Variants in CBFA2T3 observed in about 807,000 individuals in gnomAD.
CBFA2T3 encodes the protein transcriptional corepressor CBFA2T3.
In CBFA2T3, 31 loss-of-function variants were observed where a neutral mutation model predicts 58.6. The observed-to-expected ratio is 0.53, with a 90% CI of 0.40 to 0.71. The LOEUF is 0.71. CBFA2T3 is among the 30% of genes least tolerant of loss of function. The probability of loss-of-function intolerance (pLI) is 0.00; values close to 1 mark genes in which losing one functional copy is unlikely to be tolerated. For synonymous variants in CBFA2T3, 531 were observed against 421.9 expected, an observed-to-expected ratio of 1.26 and a Z score of -3.17; for missense variants, 1,076 against 963.1, an observed-to-expected ratio of 1.12 and a Z score of -1.55.
chr16:88,898,323 GT>G (rs1969967073), intron 2 of CBFA2T3, among the ~76,000 whole-genome samples, 171 bp from the exon 3 acceptor site: 1 of 152,076 alleles, frequency 6.6e-6, no homozygotes, highest in Admixed American at 6.5e-5. Flanking sequence ...GCTTCTCAGA[GT>G]GATTTTTGAT....
At chr16:88,946,074 G>A (rs965632987) in intron 1 of CBFA2T3, among the ~76,000 whole-genome samples, 4 of 152,232 alleles carry the variant, frequency 2.6e-5, no homozygotes, top group East Asian at 3.9e-4. Context: ...TTGGGAGGCC[G>A]AAGGGGGCGG....
intron 1 of CBFA2T3, among the ~76,000 whole-genome samples, chr16:88,970,934 G>A (rs149560582): frequency 2.6e-5 from 4 of 152,260 alleles, no homozygotes; most frequent in African/African-American, 7.2e-5. Flanking sequence ...GAAGGAGGTC[G>A]GTCGGGAGGG....
chr16:88,882,639 C>T (rs373804103), intron 8 of CBFA2T3, 37 bp downstream of exon 8: 2 of 1,375,880 alleles, frequency 1.5e-6, no homozygotes, highest in Non-Finnish European at 2.0e-6. Context: ...TGCGCCTGGG[C>T]ATGGCTGTGT....
At chr16:88,959,823 C>T (rs1371386167) in intron 1 of CBFA2T3, among the ~76,000 whole-genome samples, 3 of 152,078 alleles carry the variant, frequency 2.0e-5, no homozygotes, top group Admixed American at 6.6e-5. Flanking sequence ...GTCAGGAGTT[C>T]GAGACCAGCC....
intron 1 of CBFA2T3, among the ~76,000 whole-genome samples, chr16:88,910,533 C>T (rs1488802290): frequency 6.6e-6 from 1 of 152,234 alleles, no homozygotes; most frequent in Non-Finnish European, 1.5e-5. Flanking sequence ...GCCTCAGTGT[C>T]CTCCGGAGCC....
chr16:88,941,502 G>GC (rs1971730490), intron 1 of CBFA2T3, among the ~76,000 whole-genome samples: 1 of 148,354 alleles, frequency 6.7e-6, no homozygotes, highest in South Asian at 2.1e-4. Context: ...GCCGAGAGCC[G>GC]CCCCCAACGC....
rs1195493325 is a variant in CBFA2T3 at position 88,885,583 on chromosome 16, A to G, written c.894-314T>C. Among the ~76,000 whole-genome samples, 1 of 152,050 alleles carries G rather than the reference A, an allele frequency of 6.6e-6. No homozygotes were observed. Among genetic ancestry groups the G allele is most frequent in the Admixed American group, 6.5e-5 (1 of 15,280 alleles). ...ATACACCAGGCTTCCGTAACTGGAGACCACCTGCCCCTTGGGCAGCAGCAG... is the reference window on the plus strand; with the variant it reads ...ATACACCAGGCTTCCGTAACTGGAGGCCACCTGCCCCTTGGGCAGCAGCAG... On this transcript the variant is annotated intron_variant, in intron 6 of 11. Transcript: ENST00000268679. The surrounding 1 kb of genome is among the most constrained non-coding windows in gnomAD (Gnocchi z 5.3).
At chr16:88,976,094 C>T (rs1034044749) in intron 1 of CBFA2T3, among the ~76,000 whole-genome samples, 1 of 152,312 alleles carries the variant, frequency 6.6e-6, no homozygotes, top group African/African-American at 2.4e-5. Context: ...GGACCCCTCC[C>T]CAGAGCCCGA....
Position 88,976,744 on chromosome 16 carries a change from T to G in CBFA2T3, c.64A>C (p.Met22Leu). ...SSASGSTCGS[M>L]SQTHPVLESG... is the part of the protein sequence containing the mutation. ...TCCAGCACAGGGTGCGTCTGGGACATGGAGCCACAGGTGGATCCCGAGGCT... is the reference window on the plus strand; with the variant it reads ...TCCAGCACAGGGTGCGTCTGGGACAGGGAGCCACAGGTGGATCCCGAGGCT... Residue 22 changes from methionine (M) to leucine (L), a missense_variant, in exon 1 of 12, where the codon ATG (methionine) becomes CTG (leucine). Met to Leu is a conservative substitution (Grantham distance 15). Transcript: ENST00000268679. 1 of 1,557,372 alleles carries G rather than the reference T, an allele frequency of 6.4e-7. No individual in the cohort carries two copies. Among genetic ancestry groups the G allele is most frequent in the South Asian group, 1.2e-5 (1 of 84,500 alleles).
intron 1 of CBFA2T3, among the ~76,000 whole-genome samples, chr16:88,967,500 G>T (rs867690113): frequency 6.6e-6 from 1 of 152,124 alleles, no homozygotes; most frequent in Admixed American, 6.5e-5. Flanking sequence ...TGAGGAAGCC[G>T]TGGTGGGGTG....
intron 1 of CBFA2T3, among the ~76,000 whole-genome samples, chr16:88,971,626 G>T (rs1300040051): frequency 6.6e-6 from 1 of 152,232 alleles, no homozygotes; most frequent in African/African-American, 2.4e-5. Flanking sequence ...CCTGCTGCAG[G>T]CCGGCCTCTG....
At chr16:88,900,855 C>T (rs1051230957) in intron 2 of CBFA2T3, among the ~76,000 whole-genome samples, 2 of 152,256 alleles carry the variant, frequency 1.3e-5, no homozygotes, top group Non-Finnish European at 2.9e-5. Context: ...GGCCCACCAT[C>T]GGCGGCTCTG....
rs554519913 is a variant in CBFA2T3, at chr16:88,880,923, C to T, written c.1403-135G>A. On this transcript the variant is annotated intron_variant, in intron 9 of 11. Coordinates refer to ENST00000268679, the MANE Select transcript of CBFA2T3 (RefSeq NM_005187.6). ...CCCTGGGGGGAGGCCCAGGTGCCCT[C>T]GGACAAGGTCTGGCTCAGGCACCCA... 90 of 828,710 alleles carry T rather than the reference C, an allele frequency of 1.1e-4. No homozygotes were observed. In the African/African-American group the frequency reaches 1.2e-3, roughly 11 times the overall value. The allele number at this position is 828,710 out of a possible 1,614,324, so 51.3% of individuals were successfully genotyped here.
In CBFA2T3 at chr16:88,890,539, A is replaced by G. The variant is rs578029833; in HGVS notation, c.711+1343T>C. Among the ~76,000 whole-genome samples, 6 of 152,356 alleles carry G rather than the reference A, an allele frequency of 3.9e-5. No homozygotes were observed. The South Asian group carries it at 8.3e-4, about 21-fold the overall frequency. On this transcript the variant is annotated intron_variant, in intron 5 of 11. Coordinates refer to ENST00000268679, the MANE Select transcript of CBFA2T3 (RefSeq NM_005187.6). ...ACACGTGCTCGGCAGAGAAGGTCAC[A>G]TGGTCAGACACATTTGGGGAACCTT...
chr16:88,963,527 G>A (rs907902239), intron 1 of CBFA2T3, among the ~76,000 whole-genome samples: 15 of 152,032 alleles, frequency 9.9e-5, no homozygotes, highest in African/African-American at 3.6e-4. Flanking sequence ...CCGGCCCCAG[G>A]AGCTGTCACT....
intron 1 of CBFA2T3, among the ~76,000 whole-genome samples, chr16:88,922,976 G>T: frequency 6.6e-6 from 1 of 151,786 alleles, no homozygotes; most frequent in East Asian, 2.0e-4. Flanking sequence ...GGTGCACAGC[G>T]GACGGACAGA....
At chr16:88,974,553 C>T (rs1972745357) in intron 1 of CBFA2T3, among the ~76,000 whole-genome samples, 1 of 152,204 alleles carries the variant, frequency 6.6e-6, no homozygotes. Flanking sequence ...CGCGCAGCAA[C>T]ACAGCCCTGC....
At chr16:88,903,602 T>A (rs924236184) in intron 1 of CBFA2T3, among the ~76,000 whole-genome samples, 1 of 141,416 alleles carries the variant, frequency 7.1e-6, no homozygotes, top group African/African-American at 2.6e-5. Flanking sequence ...CAGTCCCTGG[T>A]GACAACCAAA....
chr16:88,949,490 C>T (rs945777574), intron 1 of CBFA2T3, among the ~76,000 whole-genome samples: 5 of 150,206 alleles, frequency 3.3e-5, no homozygotes, highest in African/African-American at 4.9e-5. Context: ...ACCCGGGAGG[C>T]GGAGGTTGCA....
Sources: gnomAD v4.1 joint callset for allele counts (sites outside exome capture counted in the v4.1 genomes callset) on GRCh38, gnomAD v4.1.1 for gene constraint, Gnocchi (gnomAD v3.1) non-coding constraint, MANE v1.5 for transcripts, NCBI Gene and HGNC (gene_info 2026-07-23, HGNC 2026-07-21) for gene names.